The following PRAG1 variants were observed in gnomAD, a reference collection of about 807,000 sequenced individuals.
The protein encoded by PRAG1 is PEAK1 related, kinase-activating pseudokinase 1, also known as inactive tyrosine-protein kinase PRAG1.
A neutral mutation model predicts 95.6 loss-of-function variants in PRAG1; 110 were observed. That is an observed-to-expected ratio of 1.15 (90% CI 0.99 to 1.35). The LOEUF (loss-of-function observed/expected upper bound fraction) is 1.35, where lower values mean the gene tolerates loss of function less well. Among genes scored for constraint, PRAG1 ranks in the 40% most tolerant of loss-of-function variants. The pLI, the probability that PRAG1 is intolerant of heterozygous loss-of-function variation, is 0.00. For synonymous variants in PRAG1, 1,052 were observed against 819.4 expected (o/e 1.28, Z -4.85); for missense variants, 2,554 against 1,864.7 (o/e 1.37, Z -6.81).
chr8:8,351,829 T>G (rs1002509804), intron 3 of PRAG1, among the ~76,000 whole-genome samples: 1 of 152,122 alleles, frequency 6.6e-6, no homozygotes, highest in Non-Finnish European at 1.5e-5. Context: ...TCCTAGAACT[T>G]TCCTTTCTCC....
chr8:8,376,337 AT>A lies in PRAG1; in HGVS notation c.2071del (p.Met691Ter). 1 of 1,614,104 alleles carries A rather than the reference AT, an allele frequency of 6.2e-7. No homozygotes were observed. Among genetic ancestry groups the A allele is most frequent in the Non-Finnish European group, 8.5e-7 (1 of 1,179,958 alleles). ...AAAGGCAAAAGAGGCGGATTTGCTC[AT>A]CCCGGTCCCAACTTTGCTGTTCTGC... ...SGQNSKVGTG[M>X]SKSASFAFEF... On this transcript the variant is annotated frameshift_variant, in exon 3 of 6. Coordinates refer to ENST00000615670, the MANE Select transcript of PRAG1 (RefSeq NM_001080826.3). LOFTEE classifies it high-confidence loss of function.
At chr8:8,353,910 A>G (rs1183944122) in intron 3 of PRAG1, among the ~76,000 whole-genome samples, 1 of 152,080 alleles carries the variant, frequency 6.6e-6, no homozygotes, top group Non-Finnish European at 1.5e-5. Context: ...CCATTGCACA[A>G]GGGAGGAAAT....
chr8:8,336,236 G>A (rs1042929087), intron 4 of PRAG1, among the ~76,000 whole-genome samples: 1 of 152,116 alleles, frequency 6.6e-6, no homozygotes, highest in Non-Finnish European at 1.5e-5. Flanking sequence ...GAATTTTAAT[G>A]GTATCCTACA....
At chr8:8,355,040 CA>C (rs1421292271) in intron 3 of PRAG1, among the ~76,000 whole-genome samples, 1 of 150,636 alleles carries the variant, frequency 6.6e-6, no homozygotes, top group Non-Finnish European at 1.5e-5. Context: ...AGAATTCCAC[CA>C]AAAAAAGAAC....
rs535907601 is a variant in PRAG1 at position 8,376,791 on chromosome 8, C to T, written c.1618G>A (p.Glu540Lys). Residue 540 changes from glutamate (E) to lysine (K), a missense_variant, in exon 3 of 6, where the codon GAG becomes AAG. Glu to Lys is a moderately conservative substitution (Grantham distance 56). Transcript: ENST00000615670. Reference protein sequence around the residue: ...AHSASESKPKERPAIPPKLSK... With the variant: ...AHSASESKPKKRPAIPPKLSK... ...AACTTGGGGGGAATGGCGGGCCTCT[C>T]CTTGGGCTTGCTCTCGCTGGCACTG... 54 of 1,611,358 alleles carry T rather than the reference C, an allele frequency of 3.4e-5. 1 individual carries two copies. In the South Asian group the frequency reaches 5.4e-4, roughly 16 times the overall value.
rs199990185 is a variant in PRAG1 at position 8,328,455 on chromosome 8, G to A, written c.2327C>T (p.Ser776Leu). The change falls in exon 5 of 6, where the codon TCG (serine) becomes TTG (leucine). Residue 776 changes from serine (S) to leucine (L), a missense_variant. Physicochemically the swap from Ser to Leu is moderately radical, Grantham distance 145 (BLOSUM62 -2). Coordinates refer to ENST00000615670, the MANE Select transcript of PRAG1 (RefSeq NM_001080826.3). Reference protein sequence around the residue: ...DSRTCSDGGPSSELAHSPTNS... With the variant: ...DSRTCSDGGPLSELAHSPTNS... Reference sequence around the variant, plus strand: ...GGTGGGCGAGTGAGCCAGCTCAGACGAGGGACCTGAAGAGGAGAGACAGAA... The same window carrying A: ...GGTGGGCGAGTGAGCCAGCTCAGACAAGGGACCTGAAGAGGAGAGACAGAA... 8.1e-6 allele frequency: 13 copies of A among 1,613,374 alleles called. No individual in the cohort carries two copies. Among genetic ancestry groups the A allele is most frequent in the Admixed American group, 6.7e-5 (4 of 60,008 alleles).
chr8:8,380,198 C>T (rs1800585704), intron 2 of PRAG1, among the ~76,000 whole-genome samples: 2 of 152,040 alleles, frequency 1.3e-5, no homozygotes, highest in Non-Finnish European at 2.9e-5. Context: ...TCACTTGAGC[C>T]TGGGAGGTGG....
Position 8,377,934 on chromosome 8 carries a change from A to T in PRAG1, c.475T>A (p.Tyr159Asn). The T allele has an allele frequency of 1.2e-6, 2 of 1,613,962 alleles. No individual in the cohort carries two copies. Among genetic ancestry groups the T allele is most frequent in the Non-Finnish European group, 1.7e-6 (2 of 1,179,980 alleles). Residue 159 changes from tyrosine to asparagine, a missense_variant, in exon 3 of 6, where the codon TAC (tyrosine) becomes AAC (asparagine). Physicochemically the swap from Tyr to Asn is moderately radical, Grantham distance 143. Coordinates refer to ENST00000615670, the MANE Select transcript of PRAG1 (RefSeq NM_001080826.3). ...PDGNSRCPPA[Y>N]TMVGLHNLEP... ...AGGTTGTGCAGGCCGACCATGGTGT[A>T]AGCTGGGGGACAGCGAGAATTGCCA... is the stretch of plus-strand genomic sequence containing the variant.
intron 3 of PRAG1, among the ~76,000 whole-genome samples, chr8:8,346,057 T>A (rs1469103772): frequency 6.6e-6 from 1 of 152,222 alleles, no homozygotes; most frequent in Non-Finnish European, 1.5e-5. Context: ...ACTATTGCAA[T>A]GATGACTTTT....
chr8:8,376,637 C>T lies in PRAG1; in HGVS notation c.1772G>A (p.Gly591Asp). ...GCAGGAAGGAGCGGGGTCAGCAGGA[C>T]CTTGGGATGGAGGCTGGGGCCCAAT... ...SSIGPQPPSQ[G>D]PADPAPSCRT... The change falls in exon 3 of 6, where the codon GGT (glycine) becomes GAT (aspartate). Residue 591 changes from glycine (G) to aspartate (D), a missense_variant. Coordinates refer to ENST00000615670, the MANE Select transcript of PRAG1 (RefSeq NM_001080826.3). 1.9e-6 allele frequency: 3 copies of T among 1,606,850 alleles called. No individual in the cohort carries two copies. Among genetic ancestry groups the T allele is most frequent in the Middle Eastern group, 1.7e-4 (1 of 6,028 alleles).
At position 8,327,833 on chromosome 8, in the gene PRAG1, G is replaced by C; in HGVS notation, c.2949C>G (p.His983Gln). 2 of 1,614,230 alleles carry C rather than the reference G, an allele frequency of 1.2e-6. No homozygotes were observed. The highest frequency in any genetic ancestry group is 1.7e-6 in the Non-Finnish European group (2 of 1,180,028). ...LFMGGQKKEL[H>Q]FNENNWSLFK... ...AGAGCGACCAGTTATTCTCATTGAA[G>C]TGGAGCTCCTTTTTCTGGCCGCCCA... Residue 983 changes from histidine (H) to glutamine (Q), a missense_variant, in exon 5 of 6, where the codon CAC becomes CAG. By Grantham distance (24) the His-to-Gln change is conservative. Coordinates refer to ENST00000615670, the MANE Select transcript of PRAG1 (RefSeq NM_001080826.3).
chr8:8,374,813 G>A, intron 3 of PRAG1: 3 of 417,250 alleles, frequency 7.2e-6, no homozygotes, highest in Non-Finnish European at 9.7e-6. Flanking sequence ...GATCACATCA[G>A]TGCCTGAGAC....
At chr8:8,349,430 G>A (rs1174439150) in intron 3 of PRAG1, among the ~76,000 whole-genome samples, 6 of 151,910 alleles carry the variant, frequency 3.9e-5, no homozygotes, top group Admixed American at 2.6e-4. Context: ...ACAGGCGCCC[G>A]CCACCTCGCC....
chr8:8,342,520 G>A (rs1393690201), intron 3 of PRAG1, among the ~76,000 whole-genome samples: 2 of 152,046 alleles, frequency 1.3e-5, no homozygotes, highest in African/African-American at 4.8e-5. Flanking sequence ...TTTTATAAGA[G>A]AAACATTATG....
intron 3 of PRAG1, chr8:8,374,611 C>T: frequency 1.0e-6 from 1 of 962,904 alleles, no homozygotes; most frequent in Non-Finnish European, 1.2e-6. Context: ...TAAATCCATC[C>T]CTGGCCCATA....
chr8:8,382,611 G>T (rs1800719701), intron 1 of PRAG1, among the ~76,000 whole-genome samples: 1 of 152,212 alleles, frequency 6.6e-6, no homozygotes, highest in Non-Finnish European at 1.5e-5. Flanking sequence ...TTAACGAAGA[G>T]CTATTTCCAA....
chr8:8,349,113 T>C (rs1240662964), intron 3 of PRAG1, among the ~76,000 whole-genome samples: 1 of 152,200 alleles, frequency 6.6e-6, no homozygotes, highest in Non-Finnish European at 1.5e-5. Context: ...GCAAAAGTAA[T>C]TGTGGTTTTT....
chr8:8,372,448 G>A (rs976615743), intron 3 of PRAG1, among the ~76,000 whole-genome samples: 3 of 152,238 alleles, frequency 2.0e-5, no homozygotes, highest in Admixed American at 6.5e-5. Context: ...TATTGGGACA[G>A]GGGTGACCCA....
chr8:8,345,135 T>C (rs1799293385), intron 3 of PRAG1, among the ~76,000 whole-genome samples: 1 of 149,734 alleles, frequency 6.7e-6, no homozygotes, highest in Non-Finnish European at 1.5e-5. Context: ...TGGTAAATCT[T>C]AGTTTCTAAG....
Sources: gnomAD v4.1 joint callset for allele counts (sites outside exome capture counted in the v4.1 genomes callset) on GRCh38, gnomAD v4.1.1 for gene constraint, MANE v1.5 for transcripts, NCBI Gene and HGNC (gene_info 2026-07-23, HGNC 2026-07-21) for gene names.